The following METTL15 variants were observed in gnomAD, a reference collection of about 807,000 sequenced individuals.
METTL15 encodes the protein 12S rRNA N(4)-cytidine methyltransferase METTL15.
A neutral mutation model predicts 38.3 loss-of-function variants in METTL15; 34 were observed. The ratio of observed to expected loss-of-function variants is 0.89; its 90% CI spans 0.68 to 1.18. METTL15 has a LOEUF of 1.18. METTL15 is among the 50% of genes most tolerant of loss of function. METTL15 has a pLI of 0.00. For synonymous variants in METTL15, 162 were observed against 170.9 expected, an observed-to-expected ratio of 0.95 and a Z score of 0.41; for missense variants, 438 against 498.4, an observed-to-expected ratio of 0.88 and a Z score of 1.15.
intron 4 of METTL15, among the ~76,000 whole-genome samples, chr11:28,278,117 C>T (rs1354511556): frequency 3.3e-5 from 5 of 152,044 alleles, no homozygotes; most frequent in African/African-American, 1.2e-4. Flanking sequence ...AAAACAACAA[C>T]CCAGAAAAGC....
chr11:28,268,447 T>C (rs1407936769), intron 4 of METTL15, among the ~76,000 whole-genome samples: 1 of 152,046 alleles, frequency 6.6e-6, no homozygotes, highest in Non-Finnish European at 1.5e-5. Flanking sequence ...GAGAATCCAT[T>C]ATCATTCTGA....
At chr11:28,435,410 C>G (rs1850973532) in intron 6 of METTL15, among the ~76,000 whole-genome samples, 1 of 152,180 alleles carries the variant, frequency 6.6e-6, no homozygotes, top group Non-Finnish European at 1.5e-5. Context: ...TGAACTCTTT[C>G]TGGGCAGATG....
chr11:28,309,628 A>G (rs926554942), intron 6 of METTL15, among the ~76,000 whole-genome samples: 3 of 152,114 alleles, frequency 2.0e-5, no homozygotes, highest in Non-Finnish European at 2.9e-5. Context: ...TCTTTTGCCA[A>G]TAATTGACTG....
intron 6 of METTL15, among the ~76,000 whole-genome samples, chr11:28,424,811 G>C (rs1850850662): frequency 6.6e-6 from 1 of 152,146 alleles, no homozygotes; most frequent in Non-Finnish European, 1.5e-5. Flanking sequence ...TATGACACCA[G>C]ACATTCCAGA....
chr11:28,140,514 G>T (rs1352093801), intron 3 of METTL15, among the ~76,000 whole-genome samples: 1 of 152,110 alleles, frequency 6.6e-6, no homozygotes, highest in Non-Finnish European at 1.5e-5. Flanking sequence ...GAAAGCAAAA[G>T]GTTTCAGATC....
At chr11:28,236,192 T>C (rs7123139) in intron 4 of METTL15, among the ~76,000 whole-genome samples, 35,377 of 151,946 alleles carry the variant, frequency 0.23, 4,296 homozygotes, top group Non-Finnish European at 0.25. Context: ...TTTGATGTGC[T>C]GCTGTATTCG....
intron 4 of METTL15, among the ~76,000 whole-genome samples, chr11:28,263,993 T>C (rs560428726): frequency 3.9e-4 from 59 of 152,244 alleles, no homozygotes; most frequent in Admixed American, 9.8e-4. Flanking sequence ...GCTACACATG[T>C]AGCATTTAAC....
rs764561813 is a variant in METTL15 at position 28,356,008 on chromosome 11, G to C, written c.*258+3850G>C. On this transcript the variant is annotated intron_variant and NMD_transcript_variant, in intron 4 of 7. Transcript: ENST00000532947. ...ATTTTCCACCTCAGGGCTGTTGCAC[G>C]TGTTGTCTCTCTACATGTAATTTTT... 7.9e-5 allele frequency among the ~76,000 whole-genome samples: 12 copies of C among 152,228 alleles called. No homozygotes were observed. In the South Asian group the frequency reaches 1.2e-3, roughly 16 times the overall value.
intron 5 of METTL15, among the ~76,000 whole-genome samples, chr11:28,422,204 G>T (rs1850826424): frequency 6.6e-6 from 1 of 151,688 alleles, no homozygotes; most frequent in South Asian, 2.1e-4. Context: ...ACAAAAAATG[G>T]AAGCTATTAC....
chr11:28,308,892 GTAGATAGATAGATAGA>G (rs68044190), intron 6 of METTL15, among the ~76,000 whole-genome samples: 10 of 147,000 alleles, frequency 6.8e-5, no homozygotes, highest in East Asian at 4.0e-4. Flanking sequence ...AGGTAGGTAG[GTAGATAGATAGATAGA>G]TAGATAGATA....
At chr11:28,492,750 T>G (rs977692362) in intron 6 of METTL15, among the ~76,000 whole-genome samples, 7 of 152,132 alleles carry the variant, frequency 4.6e-5, no homozygotes, top group Non-Finnish European at 1.0e-4. Context: ...TATAACAAAA[T>G]GCTAGTATCT....
intron 6 of METTL15, among the ~76,000 whole-genome samples, chr11:28,435,096 G>A (rs1221800201): frequency 2.0e-5 from 3 of 152,158 alleles, no homozygotes; most frequent in Non-Finnish European, 4.4e-5. Context: ...ATCTTCCATA[G>A]TCTGCCTTCA....
At chr11:28,530,036 G>A (rs1851835802), downstream of METTL15, among the ~76,000 whole-genome samples, 1 of 152,092 alleles carries the variant, frequency 6.6e-6, no homozygotes, top group African/African-American at 2.4e-5. Flanking sequence ...ACATAATTGG[G>A]AAGCTGAAGA....
rs79921606 is a variant in METTL15 at position 28,521,585 on chromosome 11, A to G, written c.*425-4893A>G. ...ATATTTGATGTTTGTGGCCCTCCAG[A>G]TTCACTTTCTATTTTTCTCCTCCCT... On this transcript the variant is annotated intron_variant and NMD_transcript_variant, in intron 6 of 7. Coordinates refer to the METTL15 transcript ENST00000532947. Among the ~76,000 whole-genome samples the G allele has an allele frequency of 1.2e-3, 175 of 152,132 alleles. 1 individual carries two copies. Among genetic ancestry groups the G allele is most frequent in the Non-Finnish European group, 1.4e-3 (96 of 68,008 alleles).
intron 4 of METTL15, among the ~76,000 whole-genome samples, chr11:28,289,923 A>C (rs934050828): frequency 4.6e-5 from 7 of 152,162 alleles, no homozygotes; most frequent in Admixed American, 4.6e-4. Flanking sequence ...CTGGTTTGAC[A>C]TAGGAATTTT....
chr11:28,157,813 A>C (rs376989183), intron 3 of METTL15, among the ~76,000 whole-genome samples: 1 of 152,152 alleles, frequency 6.6e-6, no homozygotes, highest in Non-Finnish European at 1.5e-5. Context: ...GCCTGCACCA[A>C]TGGCCTCCTG....
At chr11:28,431,646 A>T (rs1440790516) in intron 6 of METTL15, among the ~76,000 whole-genome samples, 2 of 83,594 alleles carry the variant, frequency 2.4e-5, no homozygotes, top group African/African-American at 9.4e-5. Flanking sequence ...ACACTGCGGA[A>T]GGCCGCAGGG....
chr11:28,507,061 A>T (rs61889192), intron 6 of METTL15, among the ~76,000 whole-genome samples: 1 of 151,986 alleles, frequency 6.6e-6, no homozygotes, highest in Admixed American at 6.6e-5. Context: ...TCTTTTTAAC[A>T]CAGTGTTTCA....
intron 3 of METTL15, among the ~76,000 whole-genome samples, chr11:28,133,373 T>G (rs1849402242): frequency 6.6e-6 from 1 of 152,162 alleles, no homozygotes; most frequent in African/African-American, 2.4e-5. Context: ...TGTGGTCACT[T>G]TAGGTCTTGG....
Sources: allele counts gnomAD v4.1 joint callset (sites outside exome capture counted in the v4.1 genomes callset), GRCh38; gene constraint gnomAD v4.1.1; transcripts MANE v1.5; gene names NCBI Gene and HGNC (gene_info 2026-07-23, HGNC 2026-07-21).